FBXL18: variants seen among roughly 807,000 people sequenced by gnomAD.
FBXL18 encodes F-box/LRR-repeat protein 18.
A neutral mutation model predicts 46.0 loss-of-function variants in FBXL18; 36 were observed. That is an observed-to-expected ratio of 0.78 (90% confidence interval 0.60 to 1.03). FBXL18 has a LOEUF of 1.03. FBXL18 is among the 50% of genes least tolerant of loss of function. The pLI is 0.00. For synonymous variants in FBXL18, 557 were observed against 465.3 expected (o/e 1.20, Z -2.54); for missense variants, 977 against 1,004.1 (o/e 0.97, Z 0.36).
rs1783577063 is a variant in FBXL18 at position 5,478,825 on chromosome 7, C to G, written c.*2950G>C. 1 of 151,932 alleles carries G rather than the reference C, an allele frequency of 6.6e-6. No individual in the cohort carries two copies. The highest frequency in any genetic ancestry group is 1.9e-4 in the East Asian group (1 of 5,178). 9.4% of individuals were successfully genotyped at this position (151,932 alleles called of 1,614,324 possible). On this transcript the variant is annotated 3_prime_UTR_variant, in exon 5 of 5. Coordinates refer to ENST00000382368, the MANE Select transcript of FBXL18 (RefSeq NM_024963.6). ...ACACGCATGCAGGCACATGTGCACA[C>G]ACAGGGCACAGGTACCCGCAGGCAC...
chr7:5,482,150 C>G (rs1253225696), intron 4 of FBXL18, among the ~76,000 whole-genome samples: 2 of 152,210 alleles, frequency 1.3e-5, no homozygotes, highest in Non-Finnish European at 2.9e-5. Flanking sequence ...GGGAACAGGC[C>G]ACACGCTTCT....
In FBXL18 at chr7:5,500,500, A is replaced by G; in HGVS notation, c.1769T>C (p.Leu590Pro). 1 of 1,602,264 alleles carries G rather than the reference A, an allele frequency of 6.2e-7. No individual in the cohort carries two copies. Among genetic ancestry groups the G allele is most frequent in the Non-Finnish European group, 8.5e-7 (1 of 1,172,594 alleles). Reference protein sequence around the residue: ...LSDMLKHCKRLRDLRLEQPYF... With the variant: ...LSDMLKHCKRPRDLRLEQPYF... ...GCGGCCCCCTCACCTGAGGTCCCTC[A>G]GCCGCTTGCAGTGCTTCAACATGTC... The change falls in exon 3 of 5, where the codon CTG becomes CCG. Residue 590 changes from leucine to proline, a missense_variant. By Grantham distance (98) the Leu-to-Pro change is moderately conservative (BLOSUM62 -3). Coordinates refer to ENST00000382368, the MANE Select transcript of FBXL18 (RefSeq NM_024963.6).
rs1240179133 is a variant in FBXL18 at position 5,478,552 on chromosome 7, C to A, written c.*3223G>T. The A allele has an allele frequency of 6.6e-6, 1 of 152,418 alleles. No individual in the cohort carries two copies. The highest frequency in any genetic ancestry group is 1.5e-5 in the Non-Finnish European group (1 of 68,176). 9.4% of individuals were successfully genotyped at this position (152,418 alleles called of 1,614,324 possible). On this transcript the variant is annotated 3_prime_UTR_variant, in exon 5 of 5. Transcript: ENST00000382368. Reference sequence around the variant, plus strand: ...AAATAGCAGCTAGGTGTGGGGTGAGCTGGGAGCACAGGCAGGAGGGGGCAG... The same window carrying A: ...AAATAGCAGCTAGGTGTGGGGTGAGATGGGAGCACAGGCAGGAGGGGGCAG...
chr7:5,461,320 G>C (rs4075996), intron 4 of FBXL18, among the ~76,000 whole-genome samples: 1 of 152,164 alleles, frequency 6.6e-6, no homozygotes, highest in African/African-American at 2.4e-5. Context: ...TAATCCCAGC[G>C]CTTTGGCAGG....
intron 4 of FBXL18, among the ~76,000 whole-genome samples, chr7:5,459,691 G>C (rs1231500376): frequency 6.7e-6 from 1 of 150,048 alleles, no homozygotes; most frequent in African/African-American, 2.5e-5. Context: ...AGTGAGCAGA[G>C]ATTGTGCCAC....
intron 4 of FBXL18, among the ~76,000 whole-genome samples, chr7:5,484,372 G>A (rs572032887): frequency 6.6e-6 from 1 of 151,852 alleles, no homozygotes; most frequent in African/African-American, 2.4e-5. Context: ...TCGGAAGGCT[G>A]CGGCAGGAGA....
At chr7:5,505,991 A>C (rs1784385554) in intron 1 of FBXL18, among the ~76,000 whole-genome samples, 1 of 152,038 alleles carries the variant, frequency 6.6e-6, no homozygotes, top group East Asian at 1.9e-4. Context: ...CAGCCTCCCA[A>C]GCAGCTGGGA....
At chr7:5,492,081 A>G (rs1783942069) in intron 3 of FBXL18, among the ~76,000 whole-genome samples, 1 of 150,976 alleles carries the variant, frequency 6.6e-6, no homozygotes, top group Non-Finnish European at 1.5e-5. Flanking sequence ...GGGCCAAGCT[A>G]AGAGGTTGGC....
At chr7:5,472,771 C>T (rs1164943157), downstream of FBXL18, among the ~76,000 whole-genome samples, 1 of 152,178 alleles carries the variant, frequency 6.6e-6, no homozygotes, top group Non-Finnish European at 1.5e-5. Flanking sequence ...GAACAGATAA[C>T]TCGTAGTGCC....
intron 4 of FBXL18, among the ~76,000 whole-genome samples, chr7:5,460,897 T>C (rs370707077): frequency 6.6e-6 from 1 of 152,336 alleles, no homozygotes; most frequent in Admixed American, 6.5e-5. Flanking sequence ...CCTCCCTTCA[T>C]CCCTCACCAT....
intron 4 of FBXL18, among the ~76,000 whole-genome samples, chr7:5,459,975 T>G (rs1783221494): frequency 1.3e-5 from 2 of 151,860 alleles, no homozygotes; most frequent in African/African-American, 4.8e-5. Context: ...CACGCAGCCT[T>G]TTGGCCAGGC....
chr7:5,508,043 C>T (rs895678155), intron 1 of FBXL18, among the ~76,000 whole-genome samples: 2 of 151,426 alleles, frequency 1.3e-5, no homozygotes, highest in South Asian at 2.1e-4. Context: ...CCAAGGCAGG[C>T]GGATCACGAA....
chr7:5,495,547 C>A (rs1277169082), intron 3 of FBXL18, among the ~76,000 whole-genome samples: 1 of 152,198 alleles, frequency 6.6e-6, no homozygotes, highest in Non-Finnish European at 1.5e-5. Context: ...ACCACCCCCT[C>A]CCTGCCAGGA....
At chr7:5,490,762 C>A (rs763032506) in intron 4 of FBXL18, among the ~76,000 whole-genome samples, 2 of 152,264 alleles carry the variant, frequency 1.3e-5, no homozygotes, top group South Asian at 2.1e-4. Context: ...GTCGGGAGTT[C>A]GAGACCAGCC....
At chr7:5,474,686 T>TATTTATTTATTTATTTA, downstream of FBXL18, among the ~76,000 whole-genome samples, 1 of 39,458 alleles carries the variant, frequency 2.5e-5, no homozygotes, top group Admixed American at 2.3e-4. Flanking sequence ...GCACTTTATT[T>TATTTATTTATTTATTTA]TTTATTTATT....
rs1461730531 is a variant in FBXL18, at chr7:5,479,091, C to G, written c.*2684G>C. Reference sequence around the variant, plus strand: ...CTGGTGAAGCCCATCTCGGGGGTAGCAGCAGCGGAAATTCTTGCTCTAAGT... The same window carrying G: ...CTGGTGAAGCCCATCTCGGGGGTAGGAGCAGCGGAAATTCTTGCTCTAAGT... On this transcript the variant is annotated 3_prime_UTR_variant, in exon 5 of 5. Coordinates refer to ENST00000382368, the MANE Select transcript of FBXL18 (RefSeq NM_024963.6). The G allele has an allele frequency of 6.6e-6, 1 of 152,162 alleles. No individual in the cohort carries two copies. 9.4% of individuals were successfully genotyped at this position (152,162 alleles called of 1,614,324 possible).
At position 5,476,733 on chromosome 7, in the gene FBXL18, T is replaced by A. The variant is rs1193230961; in HGVS notation, c.*5042A>T. On this transcript the variant is annotated 3_prime_UTR_variant, in exon 5 of 5. Transcript: ENST00000382368. ...ATCCTCCTGCCCCAGCCTCCCAAAGTGCTGGGATGACAGGCGTGAACCACC... is the reference window on the plus strand; with the variant it reads ...ATCCTCCTGCCCCAGCCTCCCAAAGAGCTGGGATGACAGGCGTGAACCACC... The A allele has an allele frequency of 1.3e-5, 2 of 152,344 alleles. No individual in the cohort carries two copies. Among genetic ancestry groups the A allele is most frequent in the Non-Finnish European group, 2.9e-5 (2 of 68,306 alleles). The allele number at this position is 152,344 out of a possible 1,614,324, so 9.4% of individuals were successfully genotyped here.
chr7:5,497,285 C>G (rs146945204), intron 3 of FBXL18, among the ~76,000 whole-genome samples: 9 of 152,162 alleles, frequency 5.9e-5, no homozygotes, highest in African/African-American at 2.2e-4. Flanking sequence ...AGTCGCCCGT[C>G]TGGTTCTCAA....
intron 4 of FBXL18, among the ~76,000 whole-genome samples, chr7:5,465,831 T>TG (rs1783333322): frequency 6.6e-6 from 1 of 151,644 alleles, no homozygotes; most frequent in Non-Finnish European, 1.5e-5. Context: ...TTTTTTTTTT[T>TG]TTTGGAAATG....
Sources: gnomAD v4.1 joint callset for allele counts (sites outside exome capture counted in the v4.1 genomes callset) on GRCh38, gnomAD v4.1.1 for gene constraint, MANE v1.5 for transcripts, NCBI Gene and HGNC (gene_info 2026-07-23, HGNC 2026-07-21) for gene names.